Variants in EML5 observed in about 807,000 individuals in gnomAD.
EML5 encodes the protein EMAP like 5.
In EML5, 120 loss-of-function variants were observed where a neutral mutation model predicts 250.0. The ratio of observed to expected loss-of-function variants is 0.48; its 90% CI spans 0.41 to 0.56. The LOEUF is 0.56. Ranked by LOEUF, EML5 falls within the 20% of genes least tolerant of loss-of-function variation. EML5 has a pLI of 0.00. For missense variants in EML5, 2,006 were observed against 2,437.6 expected (o/e 0.82, Z 3.73); for synonymous variants, 771 against 806.5 (o/e 0.96, Z 0.75).
chr14:88,744,866 A>T (rs1044629800), intron 3 of EML5, among the ~76,000 whole-genome samples: 1 of 152,086 alleles, frequency 6.6e-6, no homozygotes, highest in Non-Finnish European at 1.5e-5. Context: ...ATTTTGGTAT[A>T]CTCCAAAAAT....
chr14:88,727,388 T>C (rs1369813685), intron 7 of EML5, among the ~76,000 whole-genome samples: 2 of 149,080 alleles, frequency 1.3e-5, no homozygotes, highest in African/African-American at 5.0e-5. Flanking sequence ...GCATCTGTAG[T>C]GTGATACACT....
chr14:88,616,928 T>G (rs779193637), intron 41 of EML5, 49 bp from the exon 42 acceptor site: 1 of 1,572,128 alleles, frequency 6.4e-7, no homozygotes, highest in African/African-American at 1.4e-5. Flanking sequence ...TGCGGGCAGG[T>G]TGACTATATT....
chr14:88,775,680 G>C (rs2094440305), intron 1 of EML5, among the ~76,000 whole-genome samples: 1 of 152,172 alleles, frequency 6.6e-6, no homozygotes, highest in Non-Finnish European at 1.5e-5. Flanking sequence ...CCAAGCCTGG[G>C]GGAACTCACA....
chr14:88,649,445 T>G (rs912770496), intron 28 of EML5, among the ~76,000 whole-genome samples: 1 of 152,172 alleles, frequency 6.6e-6, no homozygotes, highest in Non-Finnish European at 1.5e-5. Flanking sequence ...TCACCAAAGG[T>G]AGATATAAAA....
At chr14:88,730,681 T>A (rs541788949) in intron 7 of EML5, among the ~76,000 whole-genome samples, 1 of 152,294 alleles carries the variant, frequency 6.6e-6, no homozygotes, top group East Asian at 1.9e-4. Flanking sequence ...AAGTGTGAAG[T>A]GACAAGAATT....
At chr14:88,781,751 C>T (rs1422077438) in intron 1 of EML5, among the ~76,000 whole-genome samples, 1 of 152,210 alleles carries the variant, frequency 6.6e-6, no homozygotes, top group East Asian at 1.9e-4. Context: ...TTGCTGCCAC[C>T]ATGTGAAGAA....
chr14:88,731,434 T>C (rs1035351803), intron 7 of EML5, among the ~76,000 whole-genome samples: 6 of 152,174 alleles, frequency 3.9e-5, no homozygotes, highest in Non-Finnish European at 7.3e-5. Context: ...TTCCATGGTG[T>C]ATATGTGCCA....
At chr14:88,697,661 T>C (rs1009901033) in intron 14 of EML5, among the ~76,000 whole-genome samples, 4 of 152,170 alleles carry the variant, frequency 2.6e-5, no homozygotes, top group African/African-American at 9.6e-5. Flanking sequence ...AGATATAATA[T>C]CTTTGTATAT....
intron 21 of EML5, among the ~76,000 whole-genome samples, chr14:88,678,213 TC>T (rs1475851338): frequency 6.6e-6 from 1 of 152,106 alleles, no homozygotes; most frequent in African/African-American, 2.4e-5. Flanking sequence ...TACTGCATGT[TC>T]TCCCTTATAA....
rs202034373 is a variant in EML5 at position 88,664,296 on chromosome 14, G to GAAAAAGGAA, written c.3409+188_3409+196dup. ...GTCTCAAAAAAAAAAAAAAAGAAAA[G>GAAAAAGGAA]AAAAAGGAAAAAGAAAAGTCTCAAC... is the stretch of plus-strand genomic sequence containing the variant. On this transcript the variant is annotated intron_variant, in intron 23 of 43. Coordinates refer to ENST00000554922, the MANE Select transcript of EML5 (RefSeq NM_183387.3). Among the ~76,000 whole-genome samples the GAAAAAGGAA allele has an allele frequency of 5.6e-4, 82 of 146,304 alleles. No individual in the cohort carries two copies. In the East Asian group the frequency reaches 0.016, roughly 29 times the overall value.
chr14:88,781,426 C>G (rs939315877), intron 1 of EML5, among the ~76,000 whole-genome samples: 5 of 152,052 alleles, frequency 3.3e-5, no homozygotes. Flanking sequence ...TTGTTTTATC[C>G]CACCTTGCAC....
At chr14:88,737,455 G>T (rs1279044515) in intron 6 of EML5, among the ~76,000 whole-genome samples, 2 of 152,204 alleles carry the variant, frequency 1.3e-5, no homozygotes, top group Non-Finnish European at 2.9e-5. Context: ...AGCGCAGCCT[G>T]CCAGGCCAAG....
At chr14:88,719,371 G>C (rs1056703685) in intron 8 of EML5, among the ~76,000 whole-genome samples, 6 of 152,172 alleles carry the variant, frequency 3.9e-5, no homozygotes, top group Non-Finnish European at 7.3e-5. Context: ...GGGCAACAGA[G>C]CGAGACCTTG....
chr14:88,733,484 A>G (rs2093792192), intron 7 of EML5, among the ~76,000 whole-genome samples: 2 of 152,366 alleles, frequency 1.3e-5, no homozygotes, highest in African/African-American at 4.8e-5. Context: ...TTGCCCACCA[A>G]TAACAGGAAC....
At chr14:88,763,172 A>G (rs565739273) in intron 1 of EML5, among the ~76,000 whole-genome samples, 28 of 152,340 alleles carry the variant, frequency 1.8e-4, no homozygotes, top group African/African-American at 6.3e-4. Flanking sequence ...GCAGAACTGA[A>G]GGAGACAGAG....
At position 88,658,315 on chromosome 14, in the gene EML5, T is replaced by C. The variant is rs777887130; in HGVS notation, c.3749A>G (p.Asp1250Gly). 2.5e-6 allele frequency: 4 copies of C among 1,613,748 alleles called. No individual in the cohort carries two copies. Among genetic ancestry groups the C allele is most frequent in the Non-Finnish European group, 3.4e-6 (4 of 1,179,826 alleles). ...ACCGCCTAGGGTAACCAACATGCTG[T>C]CATCATAAGTCCAGCGAACATTTGT... ...HVTNVRWTYD[D>G]SMLVTLGGTD... Residue 1250 changes from aspartate (D) to glycine (G), a missense_variant, in exon 26 of 44, where the codon GAC becomes GGC. Asp to Gly is a moderately conservative substitution (Grantham distance 94, BLOSUM62 -1). Around this residue, in one of 7 missense-constraint regions of EML5, gnomAD observed 1,375 missense variants for 1,590.3 expected, o/e 0.86. Transcript: ENST00000554922.
chr14:88,658,626 T>C (rs906148506), intron 25 of EML5, among the ~76,000 whole-genome samples: 5 of 152,144 alleles, frequency 3.3e-5, no homozygotes, highest in African/African-American at 1.2e-4. Flanking sequence ...CAAAACTCTT[T>C]AAAAAACCAA....
chr14:88,726,346 A>C (rs2093666255), intron 8 of EML5, among the ~76,000 whole-genome samples, 195 bp downstream of exon 8: 1 of 152,196 alleles, frequency 6.6e-6, no homozygotes, highest in South Asian at 2.1e-4. Context: ...TTTTTCGGAC[A>C]AAGCTATTTT....
chr14:88,721,557 C>G (rs2093589744), intron 8 of EML5, among the ~76,000 whole-genome samples: 1 of 151,978 alleles, frequency 6.6e-6, no homozygotes, highest in East Asian at 1.9e-4. Context: ...GAAAACTGGC[C>G]AGCTATATGC....
Sources: allele counts gnomAD v4.1 joint callset (sites outside exome capture counted in the v4.1 genomes callset), GRCh38; gene constraint gnomAD v4.1.1; regional missense constraint gnomAD v4.1.1; transcripts MANE v1.5; gene names NCBI Gene and HGNC (gene_info 2026-07-23, HGNC 2026-07-21).